BTG4: variants seen among roughly 807,000 people sequenced by gnomAD.
BTG4 encodes protein BTG4.
BTG4 carries 10 observed loss-of-function variants against 19.3 expected under a neutral mutation model. The observed-to-expected ratio is 0.52, with a 90% CI of 0.32 to 0.88. The LOEUF (loss-of-function observed/expected upper bound fraction) is 0.88, where lower values mean the gene tolerates loss of function less well. Ranked by LOEUF, BTG4 falls within the 40% of genes least tolerant of loss-of-function variation. The pLI, the probability that BTG4 is intolerant of heterozygous loss-of-function variation, is 0.04. For synonymous variants in BTG4, 91 were observed against 95.7 expected (o/e 0.95, Z 0.29); for missense variants, 238 against 281.9 (o/e 0.84, Z 1.11).
chr11:111,403,498 T>C, the BTG4 span, among the ~76,000 whole-genome samples: 7 of 152,222 alleles, frequency 4.6e-5, no homozygotes, highest in Admixed American at 2.0e-4. Flanking sequence ...GGGCCAGAAC[T>C]GACAGATGCA....
intron 1 of BTG4, among the ~76,000 whole-genome samples, chr11:111,504,871 GC>G (rs1168251061): frequency 6.6e-6 from 1 of 151,924 alleles, no homozygotes; most frequent in East Asian, 1.9e-4. Context: ...ACTTAGGATA[GC>G]CACGAAAAAG....
chr11:111,425,030 T>C, the BTG4 span, among the ~76,000 whole-genome samples: 1 of 152,064 alleles, frequency 6.6e-6, no homozygotes, highest in Admixed American at 6.6e-5. Flanking sequence ...CCATGGCAGT[T>C]TAGAAAGCGG....
chr11:111,474,249 C>T (rs567896028), intron 5 of BTG4, among the ~76,000 whole-genome samples: 12 of 152,240 alleles, frequency 7.9e-5, no homozygotes, highest in Admixed American at 6.5e-4. Context: ...TATACCTCAA[C>T]GAGTTGTCCA....
At chr11:111,458,470 C>T in the BTG4 span, among the ~76,000 whole-genome samples, 1 of 152,274 alleles carries the variant, frequency 6.6e-6, no homozygotes, top group South Asian at 2.1e-4. Flanking sequence ...ATGGAGCATA[C>T]ATTCTCTTGT....
the BTG4 span, among the ~76,000 whole-genome samples, chr11:111,446,741 A>G: frequency 4.0e-5 from 6 of 151,820 alleles, no homozygotes; most frequent in African/African-American, 1.2e-4. Flanking sequence ...TCACAGTGCC[A>G]CCATCTGGAC....
At chr11:111,509,917 T>C (rs1866750708) in intron 1 of BTG4, among the ~76,000 whole-genome samples, 1 of 143,518 alleles carries the variant, frequency 7.0e-6, no homozygotes, top group Admixed American at 6.9e-5. Context: ...TTTTCTTTTT[T>C]TTTTTTTTTT....
chr11:111,493,372 A>C (rs1024376597), downstream of BTG4, among the ~76,000 whole-genome samples: 5 of 152,242 alleles, frequency 3.3e-5, no homozygotes, highest in Admixed American at 3.3e-4. Context: ...GTAACTAATG[A>C]CAATTGCCTG....
At chr11:111,423,216 C>T in the BTG4 span, among the ~76,000 whole-genome samples, 128,158 of 152,098 alleles carry the variant, frequency 0.84, 56,467 homozygotes, top group South Asian at 0.98. Context: ...ACTGAGAGCT[C>T]GCTGTGGTGG....
intron 1 of BTG4, among the ~76,000 whole-genome samples, chr11:111,509,894 T>C (rs1385171781): frequency 2.8e-5 from 4 of 142,500 alleles, no homozygotes; most frequent in Non-Finnish European, 6.3e-5. Flanking sequence ...CATCTTTTTT[T>C]TTCTTTTTTC....
chr11:111,403,259 A>T, the BTG4 span, among the ~76,000 whole-genome samples: 1 of 152,222 alleles, frequency 6.6e-6, no homozygotes, highest in African/African-American at 2.4e-5. Context: ...CTGCCTGTGA[A>T]GCCAAAAGTA....
chr11:111,392,514 C>T, the BTG4 span, among the ~76,000 whole-genome samples: 6 of 152,128 alleles, frequency 3.9e-5, no homozygotes, highest in Non-Finnish European at 5.9e-5. Context: ...ATCCAAATCA[C>T]CATTCCCAGG....
chr11:111,440,906 TA>T, the BTG4 span, among the ~76,000 whole-genome samples: 1 of 152,126 alleles, frequency 6.6e-6, no homozygotes, highest in Admixed American at 6.5e-5. Flanking sequence ...GAGGAGGGGA[TA>T]GGTGACTATC....
chr11:111,502,115 G>A (rs1866122667), intron 1 of BTG4, among the ~76,000 whole-genome samples: 1 of 151,960 alleles, frequency 6.6e-6, no homozygotes, highest in South Asian at 2.1e-4. Context: ...ACCAATGTCT[G>A]CCTCCTATCC....
the BTG4 span, chr11:111,449,657 A>T: frequency 6.6e-6 from 1 of 152,460 alleles, no homozygotes; most frequent in Non-Finnish European, 1.5e-5. Flanking sequence ...AGCTGGAGAG[A>T]ATGAGGAAGA....
At chr11:111,452,777 AG>A in the BTG4 span, among the ~76,000 whole-genome samples, 1 of 152,360 alleles carries the variant, frequency 6.6e-6, no homozygotes, top group East Asian at 1.9e-4. Context: ...AAGCATGTCC[AG>A]GGTGCACACC....
At chr11:111,450,182 G>T in the BTG4 span, among the ~76,000 whole-genome samples, 26 of 152,322 alleles carry the variant, frequency 1.7e-4, no homozygotes, top group African/African-American at 2.2e-4. Flanking sequence ...GCCCCATGGA[G>T]TTCTTGGAAC....
At chr11:111,438,963 C>T in the BTG4 span, among the ~76,000 whole-genome samples, 1 of 152,194 alleles carries the variant, frequency 6.6e-6, no homozygotes, top group South Asian at 2.1e-4. Context: ...TTCAAATCCC[C>T]AATTCCCTGA....
At chr11:111,393,660 A>G in the BTG4 span, among the ~76,000 whole-genome samples, 1 of 152,210 alleles carries the variant, frequency 6.6e-6, no homozygotes, top group African/African-American at 2.4e-5. Context: ...CAGAGTGTTG[A>G]AGGTCTAGCA....
chr11:111,406,405 T>C, the BTG4 span, among the ~76,000 whole-genome samples: 1 of 152,208 alleles, frequency 6.6e-6, no homozygotes, highest in Non-Finnish European at 1.5e-5. Context: ...CAGAGCACCA[T>C]CTCTCTTTGC....
Sources: allele counts gnomAD v4.1 joint callset (sites outside exome capture counted in the v4.1 genomes callset), GRCh38; gene constraint gnomAD v4.1.1; transcripts MANE v1.5; gene names NCBI Gene and HGNC (gene_info 2026-07-23, HGNC 2026-07-21).